ASCC2: variants seen among roughly 807,000 people sequenced by gnomAD.
The protein encoded by ASCC2 is ASC-1 complex subunit P100.
In ASCC2, 42 loss-of-function variants were observed where a neutral mutation model predicts 93.5. The observed-to-expected ratio is 0.45, with a 90% confidence interval of 0.35 to 0.58. ASCC2 has a LOEUF of 0.58. ASCC2 is among the 20% of genes least tolerant of loss of function. ASCC2 has a pLI of 0.00. For synonymous variants in ASCC2, 364 were observed against 384.2 expected, an observed-to-expected ratio of 0.95 and a Z score of 0.62; for missense variants, 859 against 977.6, an observed-to-expected ratio of 0.88 and a Z score of 1.62.
intron 4 of ASCC2, 127 bp downstream of exon 4, chr22:29,824,960 G>C: frequency 1.1e-6 from 1 of 948,754 alleles, no homozygotes; most frequent in Non-Finnish European, 1.5e-6. Flanking sequence ...CCAACAGTGG[G>C]AATAAAGATG....
In ASCC2 at chr22:29,823,592, A is replaced by T. The variant is rs566802269; in HGVS notation, c.412-1128T>A. On this transcript the variant is annotated intron_variant, in intron 4 of 19. Transcript: ENST00000307790. ...GCCAGGCGCGATGGCTCGCGCCGGT[A>T]ATCTCAGCACTTTGGGAGGCCGAGG... 4.5e-4 allele frequency among the ~76,000 whole-genome samples: 68 copies of T among 152,338 alleles called. No individual in the cohort carries two copies. The South Asian group carries it at 0.013, about 30-fold the overall frequency.
intron 15 of ASCC2, among the ~76,000 whole-genome samples, chr22:29,798,721 C>T (rs781683125): frequency 3.0e-4 from 45 of 152,350 alleles, no homozygotes; most frequent in Non-Finnish European, 5.9e-4. Flanking sequence ...CTGTGTACCC[C>T]ACCCCAGCAC....
intron 19 of ASCC2, among the ~76,000 whole-genome samples, chr22:29,790,203 C>T (rs2068815225): frequency 1.3e-5 from 2 of 152,180 alleles, no homozygotes; most frequent in South Asian, 4.1e-4. Flanking sequence ...GAGTGGGGAC[C>T]CTGGAGCTGA....
Position 29,816,070 on chromosome 22 carries a change from T to G in ASCC2, c.545A>C (p.Asn182Thr). The part of the protein sequence containing the change: ...NSPLLQKMIG[N>T]IFTQQPSYYS... ...GTAACTTGGCTGCTGTGTAAAGATG[T>G]TTCCTAAAAAGAGAAGAGAAAGGTT... Residue 182 changes from asparagine to threonine, a missense_variant, in exon 6 of 20, where the codon AAC becomes ACC. Asn to Thr is a moderately conservative substitution (Grantham distance 65, BLOSUM62 0). Coordinates refer to ENST00000307790, the MANE Select transcript of ASCC2 (RefSeq NM_032204.5). The G allele has an allele frequency of 6.3e-7, 1 of 1,593,032 alleles. No homozygotes were observed. Among genetic ancestry groups the G allele is most frequent in the Non-Finnish European group, 8.6e-7 (1 of 1,168,678 alleles).
chr22:29,834,512 C>T (rs1483438607), intron 1 of ASCC2: 1 of 471,006 alleles, frequency 2.1e-6, no homozygotes, highest in African/African-American at 2.0e-5. Flanking sequence ...AGGATCCCAG[C>T]AGATCAGACA....
In ASCC2 at chr22:29,820,413, C is replaced by T. The variant is rs561650105; in HGVS notation, c.541+1922G>A. On this transcript the variant is annotated intron_variant, in intron 5 of 19. Transcript: ENST00000307790. Reference sequence around the variant, plus strand: ...TCCTGACCTCGTGATTTGCCTGCCTCGGCCTCCCAAAGTGCTGGGGTTACA... The same window carrying T: ...TCCTGACCTCGTGATTTGCCTGCCTTGGCCTCCCAAAGTGCTGGGGTTACA... Among the ~76,000 whole-genome samples, 10 of 152,012 alleles carry T rather than the reference C, an allele frequency of 6.6e-5. No individual in the cohort carries two copies. The South Asian group carries it at 1.5e-3, about 22-fold the overall frequency.
chr22:29,793,857 T>A (rs1265069736), intron 15 of ASCC2, among the ~76,000 whole-genome samples, 181 bp from the exon 16 acceptor site: 1 of 150,104 alleles, frequency 6.7e-6, no homozygotes, highest in Non-Finnish European at 1.5e-5. Context: ...CTGGTGCCCA[T>A]AAGGATGGCT....
intron 15 of ASCC2, among the ~76,000 whole-genome samples, chr22:29,799,757 G>C (rs1488095585): frequency 6.6e-6 from 1 of 152,174 alleles, no homozygotes; most frequent in Non-Finnish European, 1.5e-5. Context: ...CTGTCCCTCT[G>C]ATGGGTCATC....
chr22:29,837,365 G>A (rs1392102168), intron 1 of ASCC2, among the ~76,000 whole-genome samples: 1 of 152,122 alleles, frequency 6.6e-6, no homozygotes, highest in Non-Finnish European at 1.5e-5. Context: ...CCCGGGAGGC[G>A]GAGGTTGCAG....
chr22:29,827,980 C>T (rs1465134188), intron 2 of ASCC2, among the ~76,000 whole-genome samples: 1 of 143,064 alleles, frequency 7.0e-6, no homozygotes, highest in African/African-American at 2.7e-5. Flanking sequence ...CACACACACA[C>T]CCCTGAGATT....
At chr22:29,807,398 AGCTGCTTCCAGG>A (rs1259575499) in intron 9 of ASCC2, among the ~76,000 whole-genome samples, 2 of 152,214 alleles carry the variant, frequency 1.3e-5, no homozygotes, top group Admixed American at 6.5e-5. Flanking sequence ...CAGAGAAGAT[AGCTGCTTCCAGG>A]GCTGCTTCTC....
At chr22:29,809,624 C>T (rs576292100) in intron 8 of ASCC2, among the ~76,000 whole-genome samples, 1 of 151,698 alleles carries the variant, frequency 6.6e-6, no homozygotes, top group Non-Finnish European at 1.5e-5. Flanking sequence ...ACTAAAAATA[C>T]GAAAATTAGC....
intron 2 of ASCC2, 57 bp downstream of exon 2, chr22:29,832,188 T>C (rs940207896): frequency 9.5e-6 from 14 of 1,477,934 alleles, no homozygotes; most frequent in Admixed American, 1.8e-5. Flanking sequence ...TACTTTTTGC[T>C]CCTGAAATTG....
At chr22:29,795,275 C>T (rs1247852128) in intron 15 of ASCC2, among the ~76,000 whole-genome samples, 1 of 152,062 alleles carries the variant, frequency 6.6e-6, no homozygotes, top group Non-Finnish European at 1.5e-5. Flanking sequence ...ATTGCCCAGG[C>T]TGGTCTTGAT....
chr22:29,819,041 T>C (rs574841922), intron 5 of ASCC2, among the ~76,000 whole-genome samples: 91 of 152,342 alleles, frequency 6.0e-4, no homozygotes, highest in South Asian at 1.7e-3. Flanking sequence ...AGATGGCTCC[T>C]TGCCTTGCTC....
At chr22:29,800,474 T>G (rs1186417751) in intron 15 of ASCC2, among the ~76,000 whole-genome samples, 8 of 152,346 alleles carry the variant, frequency 5.3e-5, no homozygotes, top group African/African-American at 1.7e-4. Flanking sequence ...CTGTAAGTAT[T>G]AGACAAATAT....
intron 2 of ASCC2, among the ~76,000 whole-genome samples, chr22:29,829,871 C>A (rs1160124604): frequency 6.6e-6 from 1 of 152,124 alleles, no homozygotes; most frequent in Non-Finnish European, 1.5e-5. Context: ...TCAAATAGAT[C>A]CTCAACCAAC....
chr22:29,814,651 C>T lies in ASCC2; in HGVS notation c.720+6G>A, dbSNP rs770013083. ...GGAAAGAGACTGGGCCGAAGGGCAA[C>T]CTTACCAGGAGAGGCATGTCACTGG... is the stretch of plus-strand genomic sequence containing the variant. On this transcript the variant is annotated splice_donor_region_variant and intron_variant, in intron 7 of 19. Coordinates refer to ENST00000307790, the MANE Select transcript of ASCC2 (RefSeq NM_032204.5). The T allele has an allele frequency of 6.3e-7, 1 of 1,588,782 alleles. No individual in the cohort carries two copies. Among genetic ancestry groups the T allele is most frequent in the Admixed American group, 1.8e-5 (1 of 54,778 alleles).
intron 15 of ASCC2, among the ~76,000 whole-genome samples, chr22:29,796,011 C>T (rs979219141): frequency 1.3e-5 from 2 of 152,122 alleles, no homozygotes; most frequent in East Asian, 1.9e-4. Context: ...GAGAGGCAGG[C>T]GTCTGAGTCC....
Sources: gnomAD v4.1 joint callset for allele counts (sites outside exome capture counted in the v4.1 genomes callset) on GRCh38, gnomAD v4.1.1 for gene constraint, MANE v1.5 for transcripts, NCBI Gene and HGNC (gene_info 2026-07-23, HGNC 2026-07-21) for gene names.